Variants in PCDH9 observed in about 807,000 individuals in gnomAD.
PCDH9 encodes the protein protocadherin-9.
A neutral mutation model predicts 70.6 loss-of-function variants in PCDH9; 24 were observed. The ratio of observed to expected loss-of-function variants is 0.34; its 90% CI spans 0.25 to 0.48. PCDH9 has a LOEUF of 0.48. Among genes scored for constraint, PCDH9 ranks in the 20% least tolerant of loss-of-function variants. The pLI is 0.99. For missense variants in PCDH9, 1,281 were observed against 1,503.6 expected (o/e 0.85, Z 2.45); for synonymous variants, 562 against 558.5 (o/e 1.01, Z -0.09).
At chr13:67,094,358 A>G (rs975171715) in intron 2 of PCDH9, among the ~76,000 whole-genome samples, 2 of 152,204 alleles carry the variant, frequency 1.3e-5, no homozygotes, top group Non-Finnish European at 2.9e-5. Flanking sequence ...TCCAGGCCAG[A>G]TGTAGCTTAA....
chr13:66,870,324 A>G (rs2081653799), intron 3 of PCDH9, among the ~76,000 whole-genome samples: 1 of 152,100 alleles, frequency 6.6e-6, no homozygotes, highest in Admixed American at 6.6e-5. Flanking sequence ...TGGTTACTGT[A>G]GCCTTGTAGT....
At position 66,483,629 on chromosome 13, in the gene PCDH9, G is replaced by A. The variant is rs537683789; in HGVS notation, c.3340+147581C>T. Among the ~76,000 whole-genome samples, 3 of 152,318 alleles carry A rather than the reference G, an allele frequency of 2.0e-5. No homozygotes were observed. The East Asian group carries it at 5.8e-4, about 29-fold the overall frequency. On this transcript the variant is annotated intron_variant, in intron 4 of 4. Transcript: ENST00000377865. The stretch of plus-strand genomic sequence containing the variant: ...CTATTTTTGCTTCTAACAGGAAATG[G>A]CAGCACGGTGTTATTGATATGGGAG...
At chr13:66,793,209 T>A (rs2080189066) in intron 3 of PCDH9, among the ~76,000 whole-genome samples, 1 of 152,128 alleles carries the variant, frequency 6.6e-6, no homozygotes, top group African/African-American at 2.4e-5. Context: ...TCTTCAAATG[T>A]CTACAACTCA....
intron 3 of PCDH9, among the ~76,000 whole-genome samples, chr13:66,833,394 T>C (rs971129174): frequency 6.6e-5 from 10 of 152,182 alleles, no homozygotes; most frequent in African/African-American, 2.4e-4. Context: ...ACATGCCAGC[T>C]CCTCCATACA....
intron 4 of PCDH9, among the ~76,000 whole-genome samples, chr13:66,534,330 A>C (rs1398633948): frequency 6.6e-6 from 1 of 152,140 alleles, no homozygotes; most frequent in Non-Finnish European, 1.5e-5. Flanking sequence ...TGGCTTATAA[A>C]CAACTGAAAT....
At chr13:66,508,966 A>G (rs1178695757) in intron 4 of PCDH9, among the ~76,000 whole-genome samples, 1 of 152,208 alleles carries the variant, frequency 6.6e-6, no homozygotes, top group Non-Finnish European at 1.5e-5. Flanking sequence ...AGACTGACTA[A>G]CATAATGAAC....
At chr13:66,905,058 A>C (rs1044324712) in intron 2 of PCDH9, among the ~76,000 whole-genome samples, 2 of 151,976 alleles carry the variant, frequency 1.3e-5, no homozygotes, top group Non-Finnish European at 2.9e-5. Flanking sequence ...TCTGTTTCTA[A>C]GTAACTTTCA....
intron 4 of PCDH9, among the ~76,000 whole-genome samples, chr13:66,622,211 C>T (rs1008013491): frequency 6.6e-6 from 1 of 152,226 alleles, no homozygotes; most frequent in Non-Finnish European, 1.5e-5. Flanking sequence ...ACCTGCAGCC[C>T]GCCATGCCTG....
intron 2 of PCDH9, among the ~76,000 whole-genome samples, chr13:67,082,931 T>C (rs1369368780): frequency 6.6e-6 from 1 of 152,120 alleles, no homozygotes; most frequent in African/African-American, 2.4e-5. Context: ...ATTGATTCTA[T>C]TTGTTCTTTT....
At chr13:66,471,134 G>T (rs1740172353) in intron 4 of PCDH9, among the ~76,000 whole-genome samples, 1 of 151,836 alleles carries the variant, frequency 6.6e-6, no homozygotes, top group South Asian at 2.1e-4. Context: ...ATTGCTACTT[G>T]CACATAAAAT....
chr13:66,730,882 T>TTTG lies in PCDH9; in HGVS notation c.3139-99472_3139-99471insCAA, dbSNP rs2079067546. On this transcript the variant is annotated intron_variant, in intron 3 of 4. Coordinates refer to ENST00000377865, the MANE Select transcript of PCDH9 (RefSeq NM_203487.3). ...TGTTTTTTTGTGTGTGTGTGTTTTT[T>TTTG]TTTTGTTTGTTTCTTTTTTTTTGTG... 4.9e-4 allele frequency among the ~76,000 whole-genome samples: 8 copies of TTTG among 16,330 alleles called. 1 individual carries two copies. Among genetic ancestry groups the TTTG allele is most frequent in the African/African-American group, 7.5e-4 (8 of 10,608 alleles). 10.7% of individuals were successfully genotyped at this position (16,330 alleles called of 152,430 possible).
At chr13:67,111,092 T>C (rs1487877984) in intron 2 of PCDH9, among the ~76,000 whole-genome samples, 3 of 152,236 alleles carry the variant, frequency 2.0e-5, no homozygotes, top group Non-Finnish European at 4.4e-5. Context: ...CATGTAGTTG[T>C]TTCAGATGGC....
intron 2 of PCDH9, among the ~76,000 whole-genome samples, chr13:66,997,675 C>A (rs1347194034): frequency 6.6e-6 from 1 of 152,138 alleles, no homozygotes. Flanking sequence ...GCTGGGACTA[C>A]GGGCGCACAT....
intron 2 of PCDH9, among the ~76,000 whole-genome samples, chr13:67,101,975 C>T (rs182897884): frequency 6.6e-5 from 10 of 152,212 alleles, no homozygotes; most frequent in African/African-American, 9.6e-5. Flanking sequence ...GTCCCACTAC[C>T]GAGTCCTTGT....
chr13:66,657,869 A>C (rs975441882), intron 3 of PCDH9, among the ~76,000 whole-genome samples: 1 of 152,194 alleles, frequency 6.6e-6, no homozygotes, highest in Admixed American at 6.5e-5. Context: ...TCTACAGTCC[A>C]ATCGGCCCTC....
At chr13:67,160,832 A>G (rs181813958) in intron 2 of PCDH9, among the ~76,000 whole-genome samples, 17 of 152,344 alleles carry the variant, frequency 1.1e-4, no homozygotes, top group African/African-American at 4.1e-4. Context: ...ACATTTGTGT[A>G]GCACTGAGTA....
intron 4 of PCDH9, among the ~76,000 whole-genome samples, chr13:66,600,245 A>G (rs539425958): frequency 2.0e-5 from 3 of 152,042 alleles, no homozygotes; most frequent in African/African-American, 7.2e-5. Context: ...TGTAATATTC[A>G]ACATCAAATG....
chr13:66,506,999 G>C (rs1461496796), intron 4 of PCDH9, among the ~76,000 whole-genome samples: 3 of 152,184 alleles, frequency 2.0e-5, no homozygotes, highest in African/African-American at 7.2e-5. Flanking sequence ...CTAGAGACTT[G>C]CATATTTTTA....
At chr13:66,547,795 T>A (rs9540805) in intron 4 of PCDH9, among the ~76,000 whole-genome samples, 38,728 of 150,044 alleles carry the variant, frequency 0.26, 5,241 homozygotes, top group South Asian at 0.34. Flanking sequence ...TGCGCATTTT[T>A]AAATAATCTT....
Sources: allele counts gnomAD v4.1 joint callset (sites outside exome capture counted in the v4.1 genomes callset), GRCh38; gene constraint gnomAD v4.1.1; transcripts MANE v1.5; gene names NCBI Gene and HGNC (gene_info 2026-07-23, HGNC 2026-07-21).